SLC8B1: variants seen among roughly 807,000 people sequenced by gnomAD.
SLC8B1 encodes the protein mitochondrial sodium/calcium exchanger protein.
Under a neutral mutation model 63.4 loss-of-function variants are expected in SLC8B1, and 52 were observed. The observed-to-expected ratio is 0.82, with a 90% confidence interval of 0.66 to 1.03. The LOEUF (loss-of-function observed/expected upper bound fraction) is 1.03, where lower values mean the gene tolerates loss of function less well. Ranked by LOEUF, SLC8B1 falls within the 50% of genes least tolerant of loss-of-function variation. SLC8B1 has a pLI of 0.00. For synonymous variants in SLC8B1, 336 were observed against 323.9 expected (o/e 1.04, Z -0.40); for missense variants, 657 against 741.7 (o/e 0.89, Z 1.33).
intron 10 of SLC8B1, among the ~76,000 whole-genome samples, chr12:113,315,758 T>G (rs2092732158): frequency 6.6e-6 from 1 of 152,192 alleles, no homozygotes; most frequent in South Asian, 2.1e-4. Context: ...TAGGGGAGAC[T>G]GAGGGTCCTT....
intron 11 of SLC8B1, 54 bp downstream of exon 11, chr12:113,315,281 C>A: frequency 6.9e-7 from 1 of 1,454,560 alleles, no homozygotes; most frequent in East Asian, 2.6e-5. Flanking sequence ...AAGAAAACTC[C>A]AGAACGTGGG....
At chr12:113,306,850 C>A in intron 13 of SLC8B1, 2 of 495,376 alleles carry the variant, frequency 4.0e-6, no homozygotes, top group Non-Finnish European at 7.2e-6. Flanking sequence ...GTGGCTCACA[C>A]CTGTAATCCC....
chr12:113,304,019 T>G (rs1186936448), intron 15 of SLC8B1, among the ~76,000 whole-genome samples: 1 of 152,150 alleles, frequency 6.6e-6, no homozygotes, highest in Admixed American at 6.5e-5. Flanking sequence ...TAGCTGAGAT[T>G]ACAGGTGTGC....
At chr12:113,307,030 A>G (rs1424230908) in intron 13 of SLC8B1, among the ~76,000 whole-genome samples, 2 of 144,278 alleles carry the variant, frequency 1.4e-5, no homozygotes, top group African/African-American at 5.2e-5. Flanking sequence ...AGAACTGCTT[A>G]AACCTGGGAG....
Position 113,315,377 on chromosome 12 carries a change from T to A in SLC8B1, c.1093A>T (p.Ile365Phe). Residue 365 changes from isoleucine (I) to phenylalanine (F), a missense_variant, in exon 11 of 16, where the codon ATC becomes TTC. Transcript: ENST00000680972. ...KRPLNCLHLV[I>F]SPLVVVLTLQ... is the part of the protein sequence containing the mutation. Reference sequence around the variant, plus strand: ...GTCAGGACCACAACCAGGGGGCTGATAACCAGATGCAGACAGTTGAGGGGC... The same window carrying A: ...GTCAGGACCACAACCAGGGGGCTGAAAACCAGATGCAGACAGTTGAGGGGC... The A allele has an allele frequency of 1.3e-6, 2 of 1,562,454 alleles. No homozygotes were observed. Among genetic ancestry groups the A allele is most frequent in the Non-Finnish European group, 1.7e-6 (2 of 1,152,894 alleles).
chr12:113,325,168 A>G (rs1254768620), intron 2 of SLC8B1, among the ~76,000 whole-genome samples: 1 of 151,886 alleles, frequency 6.6e-6, no homozygotes, highest in Admixed American at 6.6e-5. Flanking sequence ...CATGTAAAGT[A>G]GTTATTACCC....
At chr12:113,322,467 C>A (rs1433065279) in intron 2 of SLC8B1, among the ~76,000 whole-genome samples, 3 of 152,124 alleles carry the variant, frequency 2.0e-5, no homozygotes, top group Non-Finnish European at 4.4e-5. Context: ...TTCAATATAG[C>A]CAATGAGCTT....
chr12:113,333,898 G>A (rs1186406861), intron 1 of SLC8B1, among the ~76,000 whole-genome samples: 1 of 152,298 alleles, frequency 6.6e-6, no homozygotes, highest in Non-Finnish European at 1.5e-5. Context: ...TAACGGAGAC[G>A]GGGTTTCGCC....
chr12:113,331,389 A>G, intron 2 of SLC8B1, among the ~76,000 whole-genome samples: 1 of 106,642 alleles, frequency 9.4e-6, no homozygotes, highest in Non-Finnish European at 1.9e-5. Flanking sequence ...TGTTCTCGAA[A>G]AAAAAAAAAA....
chr12:113,304,456 A>G lies in SLC8B1; in HGVS notation c.1493-71T>C, dbSNP rs188658519. The G allele has an allele frequency of 1.7e-5, 24 of 1,405,646 alleles. No individual in the cohort carries two copies. The African/African-American group carries it at 3.4e-4, about 20-fold the overall frequency. The allele number at this position is 1,405,646 out of a possible 1,614,324, so 87.1% of individuals were successfully genotyped here. A position where few individuals can be genotyped will look rare whatever the true frequency, so the allele number is the denominator to read the frequency against. ...CCCAACCACATAGCCCGTTCCTCCT[A>G]CTGTGTTCATCCCCAGGGCTTGGGA... On this transcript the variant is annotated intron_variant, in intron 14 of 15. Transcript: ENST00000680972.
chr12:113,318,320 T>C (rs916828811), intron 8 of SLC8B1, among the ~76,000 whole-genome samples: 1 of 152,098 alleles, frequency 6.6e-6, no homozygotes, highest in Admixed American at 6.6e-5. Context: ...TGCGCATGCA[T>C]GCATCTGTAT....
intron 2 of SLC8B1, among the ~76,000 whole-genome samples, chr12:113,322,990 C>T (rs1956951828): frequency 6.6e-6 from 1 of 152,072 alleles, no homozygotes; most frequent in East Asian, 1.9e-4. Context: ...AGAAGTGGTA[C>T]AGAGAAGGGA....
rs1159645275 is a variant in SLC8B1 at position 113,299,929 on chromosome 12, C to T, written c.1603G>A (p.Gly535Arg). ...LLVWVLAGAL[G>R]LSLVFSLVSV... ...ACCAGGGAGAAGACGAGGCTGAGCC[C>T]CAGGGCGCCTGCCAGGACCCACACC... Residue 535 changes from glycine (G) to arginine (R), a missense_variant, in exon 16 of 16, where the codon GGG becomes AGG. Transcript: ENST00000680972. 6.2e-7 allele frequency: 1 copy of T among 1,613,946 alleles called. No homozygotes were observed. The highest frequency in any genetic ancestry group is 2.2e-5 in the East Asian group (1 of 44,884).
chr12:113,332,628 G>A (rs891843370), intron 2 of SLC8B1, 95 bp downstream of exon 2: 65 of 1,407,784 alleles, frequency 4.6e-5, no homozygotes, highest in African/African-American at 7.2e-5. Flanking sequence ...CCCAGGCTGC[G>A]GTCAGTGCCT....
chr12:113,326,707 C>T (rs1593259600), intron 2 of SLC8B1, among the ~76,000 whole-genome samples: 1 of 146,938 alleles, frequency 6.8e-6, no homozygotes, highest in East Asian at 2.0e-4. Flanking sequence ...GAGACAAGGT[C>T]TCACTGTTGC....
At chr12:113,306,822 G>A (rs1042266126) in intron 13 of SLC8B1, 12 of 539,990 alleles carry the variant, frequency 2.2e-5, no homozygotes, top group African/African-American at 1.1e-4. Flanking sequence ...TGAAAAACGC[G>A]GCTACCAGCT....
intron 3 of SLC8B1, 39 bp downstream of exon 3, chr12:113,321,157 A>G: frequency 1.2e-6 from 2 of 1,613,940 alleles, no homozygotes; most frequent in Non-Finnish European, 1.7e-6. Context: ...AGCTGGAGAC[A>G]CCAGCCCCTC....
chr12:113,317,148 G>C, intron 8 of SLC8B1, 147 bp from the exon 9 acceptor site: 1 of 730,366 alleles, frequency 1.4e-6, no homozygotes, highest in Non-Finnish European at 2.3e-6. Flanking sequence ...CACCCAGGCT[G>C]GAGTGCAGAG....
At chr12:113,300,591 G>C (rs1295995325) in intron 15 of SLC8B1, among the ~76,000 whole-genome samples, 1 of 152,244 alleles carries the variant, frequency 6.6e-6, no homozygotes, top group Non-Finnish European at 1.5e-5. Flanking sequence ...CAGCAGCCCG[G>C]CCTGCCCTGT....
Sources: gnomAD v4.1 joint callset for allele counts (sites outside exome capture counted in the v4.1 genomes callset) on GRCh38, gnomAD v4.1.1 for gene constraint, MANE v1.5 for transcripts, NCBI Gene and HGNC (gene_info 2026-07-23, HGNC 2026-07-21) for gene names.